Variants in DAD1 observed in about 807,000 individuals in gnomAD.
DAD1 encodes the protein dolichyl-diphosphooligosaccharide--protein glycosyltransferase subunit DAD1.
A neutral mutation model predicts 9.0 loss-of-function variants in DAD1; 4 were observed. The observed-to-expected ratio is 0.44, with a 90% confidence interval of 0.22 to 1.01. The LOEUF (loss-of-function observed/expected upper bound fraction) is 1.01. DAD1 is among the 50% of genes least tolerant of loss of function. The pLI is 0.24. For missense variants in DAD1, 119 were observed against 137.3 expected (o/e 0.87, Z 0.67); for synonymous variants, 60 against 62.5 (o/e 0.96, Z 0.19).
chr14:22,587,555 C>A (rs1021549102), intron 1 of DAD1, among the ~76,000 whole-genome samples: 3 of 152,020 alleles, frequency 2.0e-5, no homozygotes, highest in Admixed American at 2.0e-4. Flanking sequence ...TCATCTAGGA[C>A]AAAAGTCAAA....
At chr14:22,587,345 A>C (rs2037160398) in intron 1 of DAD1, among the ~76,000 whole-genome samples, 2 of 152,226 alleles carry the variant, frequency 1.3e-5, no homozygotes, top group Non-Finnish European at 2.9e-5. Context: ...ACCTGGAAAC[A>C]AAAACATCAA....
intron 1 of DAD1, among the ~76,000 whole-genome samples, chr14:22,584,372 A>C (rs905283534): frequency 6.6e-6 from 1 of 152,026 alleles, no homozygotes; most frequent in Non-Finnish European, 1.5e-5. Context: ...AAGGTGAAAA[A>C]GGAATACAGA....
At chr14:22,566,915 A>G (rs1264442748) in intron 2 of DAD1, among the ~76,000 whole-genome samples, 7 of 152,224 alleles carry the variant, frequency 4.6e-5, no homozygotes, top group Non-Finnish European at 8.8e-5. Context: ...TTTACCAGAC[A>G]CTATTCTAAA....
At chr14:22,576,520 T>C (rs747166647) in intron 1 of DAD1, among the ~76,000 whole-genome samples, 4 of 152,184 alleles carry the variant, frequency 2.6e-5, no homozygotes, top group Admixed American at 2.6e-4. Context: ...AAAAAACTCT[T>C]AGAAGAAAAC....
chr14:22,575,866 C>T (rs2037073402), intron 1 of DAD1, among the ~76,000 whole-genome samples: 1 of 152,182 alleles, frequency 6.6e-6, no homozygotes, highest in Non-Finnish European at 1.5e-5. Flanking sequence ...AAAATACACA[C>T]TGGCTGGCCA....
intron 1 of DAD1, among the ~76,000 whole-genome samples, chr14:22,580,999 C>T (rs75846110): frequency 6.6e-6 from 1 of 152,170 alleles, no homozygotes; most frequent in South Asian, 2.1e-4. Context: ...TCTCCCTGGG[C>T]ACTTCCAAAG....
intron 1 of DAD1, among the ~76,000 whole-genome samples, chr14:22,586,330 G>A (rs2037152941): frequency 6.6e-6 from 1 of 151,890 alleles, no homozygotes; most frequent in Non-Finnish European, 1.5e-5. Context: ...CGGATCACCT[G>A]AGGTCAGGAG....
chr14:22,569,389 T>C (rs1417001685), intron 2 of DAD1, among the ~76,000 whole-genome samples: 3 of 149,848 alleles, frequency 2.0e-5, no homozygotes, highest in Non-Finnish European at 2.9e-5. Flanking sequence ...GCCAAGATCA[T>C]GCCACTGCAC....
intron 1 of DAD1, among the ~76,000 whole-genome samples, chr14:22,576,024 G>A (rs8019706): frequency 0.092 from 13,953 of 152,020 alleles, 1,167 homozygotes; most frequent in African/African-American, 0.22. Flanking sequence ...CTGGGATGCA[G>A]CCACACAGAG....
intron 2 of DAD1, among the ~76,000 whole-genome samples, chr14:22,567,347 A>G (rs1452792325): frequency 2.0e-5 from 3 of 152,244 alleles, no homozygotes; most frequent in Non-Finnish European, 4.4e-5. Context: ...AATTCATCTC[A>G]TCCTGGATTC....
intron 2 of DAD1, among the ~76,000 whole-genome samples, chr14:22,571,787 G>A (rs535551864): frequency 3.2e-4 from 49 of 151,798 alleles, no homozygotes; most frequent in Non-Finnish European, 5.6e-4. Context: ...CGGCCACCAC[G>A]CCCAGCTAAT....
intron 1 of DAD1, among the ~76,000 whole-genome samples, chr14:22,585,774 A>C (rs1024039359): frequency 6.6e-6 from 1 of 152,222 alleles, no homozygotes; most frequent in Admixed American, 6.5e-5. Flanking sequence ...ATTTCCAAAG[A>C]GCATATGCTA....
At chr14:22,565,285 A>G in intron 2 of DAD1, 148 bp from the exon 3 acceptor site, 1 of 559,036 alleles carries the variant, frequency 1.8e-6, no homozygotes. Context: ...ACTAGAAAGA[A>G]GCAAGTATTT....
intron 1 of DAD1, among the ~76,000 whole-genome samples, chr14:22,575,826 C>T (rs2037073106): frequency 6.6e-6 from 1 of 152,184 alleles, no homozygotes; most frequent in Non-Finnish European, 1.5e-5. Context: ...GGATTACAGG[C>T]ATGAGCCACC....
At chr14:22,584,010 A>T (rs762790923) in intron 1 of DAD1, among the ~76,000 whole-genome samples, 2 of 152,162 alleles carry the variant, frequency 1.3e-5, no homozygotes, top group Non-Finnish European at 1.5e-5. Flanking sequence ...CAGGACCACT[A>T]GGCAGGGTTG....
intron 1 of DAD1, among the ~76,000 whole-genome samples, chr14:22,578,743 G>C (rs908130910): frequency 2.6e-5 from 4 of 152,104 alleles, no homozygotes; most frequent in African/African-American, 7.2e-5. Flanking sequence ...TCTGGATAGT[G>C]GTTAGACAGG....
chr14:22,583,339 T>C (rs1183182106), intron 1 of DAD1, among the ~76,000 whole-genome samples: 1 of 150,472 alleles, frequency 6.6e-6, no homozygotes, highest in Non-Finnish European at 1.5e-5. Flanking sequence ...AGCAGTGAGG[T>C]GAGACAGAAC....
At chr14:22,569,276 T>C (rs201948326) in intron 2 of DAD1, among the ~76,000 whole-genome samples, 1 of 149,886 alleles carries the variant, frequency 6.7e-6, no homozygotes, top group African/African-American at 2.5e-5. Context: ...CTCCTAAAAA[T>C]ACAAAAATTA....
intron 2 of DAD1, among the ~76,000 whole-genome samples, chr14:22,569,068 T>G (rs1377412487): frequency 1.3e-5 from 2 of 152,210 alleles, no homozygotes; most frequent in African/African-American, 4.8e-5. Flanking sequence ...GCCTTGGCTT[T>G]TTTTCTTTCG....
Sources: gnomAD v4.1 joint callset for allele counts (sites outside exome capture counted in the v4.1 genomes callset) on GRCh38, gnomAD v4.1.1 for gene constraint, MANE v1.5 for transcripts, NCBI Gene and HGNC (gene_info 2026-07-23, HGNC 2026-07-21) for gene names.